The following ADGRL2 variants were observed in gnomAD, a reference collection of about 807,000 sequenced individuals.
ADGRL2 encodes the protein adhesion G protein-coupled receptor L2.
In ADGRL2, 44 loss-of-function variants were observed where a neutral mutation model predicts 157.4. The observed-to-expected ratio is 0.28, with a 90% CI of 0.22 to 0.36. The LOEUF is 0.36. Ranked by LOEUF, ADGRL2 falls within the 10% of genes least tolerant of loss-of-function variation. The pLI, the probability that ADGRL2 is intolerant of heterozygous loss-of-function variation, is 1.00. For missense variants in ADGRL2, 1,510 were observed against 1,768.9 expected, an observed-to-expected ratio of 0.85 and a Z score of 2.63; for synonymous variants, 585 against 624.7, an observed-to-expected ratio of 0.94 and a Z score of 0.95.
intron 6 of ADGRL2, among the ~76,000 whole-genome samples, chr1:81,945,774 A>G (rs399116): frequency 0.049 from 7,448 of 152,170 alleles, 518 homozygotes; most frequent in African/African-American, 0.15. Context: ...TAGTCCCAGA[A>G]CATGAAAATT....
intron 2 of ADGRL2, among the ~76,000 whole-genome samples, chr1:81,527,663 G>T (rs571343057): frequency 1.3e-5 from 2 of 151,992 alleles, no homozygotes; most frequent in South Asian, 4.2e-4. Flanking sequence ...AGTGAGCCAA[G>T]ATCGCGCCAC....
At position 81,950,468 on chromosome 1, in the gene ADGRL2, C is replaced by T. The variant is rs1651413852; in HGVS notation, c.1490C>T (p.Pro497Leu). 6.2e-7 allele frequency: 1 copy of T among 1,613,112 alleles called. No individual in the cohort carries two copies. Among genetic ancestry groups the T allele is most frequent in the Non-Finnish European group, 8.5e-7 (1 of 1,179,522 alleles). Residue 497 changes from proline to leucine, a missense_variant, in exon 7 of 24, where the codon CCT becomes CTT. Coordinates refer to ENST00000686636, the MANE Select transcript of ADGRL2 (RefSeq NM_001366006.2). Reference sequence around the variant, plus strand: ...GGAATGATGGTTGAACGACCATGCCCTAAGGGAACAAGAGGTATTTTCTAT... The same window carrying T: ...GGAATGATGGTTGAACGACCATGCCTTAAGGGAACAAGAGGTATTTTCTAT... ...QRGMMVERPC[P>L]KGTRGTASYL...
intron 1 of ADGRL2, among the ~76,000 whole-genome samples, chr1:81,739,266 T>G (rs2149215430): frequency 6.6e-6 from 1 of 152,324 alleles, no homozygotes; most frequent in South Asian, 2.1e-4. Flanking sequence ...TCTGTGACCT[T>G]ATGCAAATTA....
chr1:81,628,123 C>T lies in ADGRL2; in HGVS notation c.-143+47143C>T, dbSNP rs1404007932. ...TCAAGGTTGAATTAGACTCTTGGAC[C>T]CACTCAAAGTCATTGAGATCTAAGC... On this transcript the variant is annotated intron_variant, in intron 3 of 24. Transcript: ENST00000370721. Among the ~76,000 whole-genome samples, 2 of 152,112 alleles carry T rather than the reference C, an allele frequency of 1.3e-5. 1 individual carries two copies. The highest frequency in any genetic ancestry group is 4.2e-4 in the South Asian group (2 of 4,798).
rs1360645775 is a variant in ADGRL2 at position 81,691,273 on chromosome 1, C to G, written c.-142-70538C>G. 4.6e-5 allele frequency among the ~76,000 whole-genome samples: 7 copies of G among 150,924 alleles called. No individual in the cohort carries two copies. In the East Asian group the frequency reaches 1.4e-3, roughly 29 times the overall value. On this transcript the variant is annotated intron_variant, in intron 3 of 24. Coordinates refer to the ADGRL2 transcript ENST00000370721. ...AGTCCTGATAATATCTAATTGTTAT[C>G]TTTAGTTCTGGGACTCATCTTTAGT...
intron 1 of ADGRL2, among the ~76,000 whole-genome samples, chr1:81,808,854 G>A (rs1389160104): frequency 2.0e-5 from 3 of 152,040 alleles, no homozygotes; most frequent in African/African-American, 4.8e-5. Context: ...ATTTACGGAA[G>A]TGCAGGAACA....
intron 1 of ADGRL2, among the ~76,000 whole-genome samples, chr1:81,815,891 C>T (rs140944762): frequency 1.5e-4 from 23 of 151,582 alleles, no homozygotes; most frequent in African/African-American, 2.4e-4. Flanking sequence ...TTAAAACATC[C>T]GATAACGAAG....
chr1:81,405,120 C>G (rs749818222), intron 1 of ADGRL2, among the ~76,000 whole-genome samples: 1 of 152,088 alleles, frequency 6.6e-6, no homozygotes, highest in African/African-American at 2.4e-5. Flanking sequence ...AATTTTATGA[C>G]GGTGCTGTAA....
chr1:81,363,790 A>G (rs1179979889), intron 1 of ADGRL2, among the ~76,000 whole-genome samples: 2 of 152,172 alleles, frequency 1.3e-5, no homozygotes, highest in Non-Finnish European at 2.9e-5. Flanking sequence ...TGAAAACTGT[A>G]TAATCTCATT....
At chr1:81,397,192 AG>A (rs1209505343) in intron 1 of ADGRL2, among the ~76,000 whole-genome samples, 3 of 151,782 alleles carry the variant, frequency 2.0e-5, no homozygotes, top group African/African-American at 7.3e-5. Flanking sequence ...TAATCTTGGT[AG>A]GTTGTATGTG....
chr1:81,767,854 CAAA>C (rs71592741), intron 2 of ADGRL2, among the ~76,000 whole-genome samples: 4 of 83,990 alleles, frequency 4.8e-5, no homozygotes, highest in Non-Finnish European at 5.0e-5. Flanking sequence ...GATCCTGTCT[CAAA>C]AAAAAAAAAA....
intron 1 of ADGRL2, among the ~76,000 whole-genome samples, chr1:81,434,169 A>G (rs1383353770): frequency 6.6e-6 from 1 of 152,196 alleles, no homozygotes; most frequent in African/African-American, 2.4e-5. Flanking sequence ...CTCAATCTCA[A>G]TTAGAGGAGT....
chr1:81,789,678 G>T lies in ADGRL2; in HGVS notation c.-101+27826G>T, dbSNP rs1447066658. Among the ~76,000 whole-genome samples, 3 of 139,612 alleles carry T rather than the reference G, an allele frequency of 2.1e-5. No individual in the cohort carries two copies. In the South Asian group the frequency reaches 6.7e-4, roughly 31 times the overall value. The allele number at this position is 139,612 out of a possible 152,430, so 91.6% of individuals were successfully genotyped here. Reference sequence around the variant, plus strand: ...AAGGTGGAGGTTGCAGTGAGCGCCTGGTGACAGAGCGAGTCTCCGTCTCAA... The same window carrying T: ...AAGGTGGAGGTTGCAGTGAGCGCCTTGTGACAGAGCGAGTCTCCGTCTCAA... On this transcript the variant is annotated intron_variant, in intron 2 of 20. Coordinates refer to the ADGRL2 transcript ENST00000359929.
chr1:81,937,585 G>A (rs1195540893), intron 4 of ADGRL2, among the ~76,000 whole-genome samples: 3 of 151,772 alleles, frequency 2.0e-5, no homozygotes, highest in African/African-American at 4.8e-5. Context: ...CAACTTAAAA[G>A]TTTGAATATT....
At chr1:81,579,925 G>A (rs2080873954) in intron 2 of ADGRL2, among the ~76,000 whole-genome samples, 1 of 151,944 alleles carries the variant, frequency 6.6e-6, no homozygotes, top group Admixed American at 6.6e-5. Flanking sequence ...AGATTACCTG[G>A]CATTCCATTT....
At chr1:81,975,409 CAA>C (rs1391785733) in intron 17 of ADGRL2, among the ~76,000 whole-genome samples, 2 of 151,976 alleles carry the variant, frequency 1.3e-5, no homozygotes, top group Admixed American at 6.6e-5. Flanking sequence ...AAAGAAAAAA[CAA>C]AGAGCAAGAG....
rs111367107 is a variant in ADGRL2, at chr1:81,556,227, A to G, written c.-247-24649A>G. Among the ~76,000 whole-genome samples the G allele has an allele frequency of 5.2e-3, 782 of 151,586 alleles. 8 individuals carry two copies. The highest frequency in any genetic ancestry group is 0.017 in the African/African-American group (715 of 41,266). On this transcript the variant is annotated intron_variant, in intron 2 of 24. Transcript: ENST00000370721. ...AGTCTTGAAACAAGAGCGAATTTAC[A>G]TATTTTTCTACACACCACTGAGGGG...
intron 2 of ADGRL2, among the ~76,000 whole-genome samples, chr1:81,520,773 C>A (rs11163323): frequency 6.6e-6 from 1 of 151,964 alleles, no homozygotes; most frequent in Non-Finnish European, 1.5e-5. Flanking sequence ...GGTAGTTCTT[C>A]AGCAAGGTGA....
chr1:81,631,361 T>G (rs2082007341), intron 3 of ADGRL2, among the ~76,000 whole-genome samples: 1 of 151,870 alleles, frequency 6.6e-6, no homozygotes. Flanking sequence ...GAATTACAGG[T>G]GTGCACAACC....
Sources: allele counts gnomAD v4.1 joint callset (sites outside exome capture counted in the v4.1 genomes callset), GRCh38; gene constraint gnomAD v4.1.1; transcripts MANE v1.5; gene names NCBI Gene and HGNC (gene_info 2026-07-23, HGNC 2026-07-21).